The following PLXNA4 variants were observed in gnomAD, a reference collection of about 807,000 sequenced individuals.
PLXNA4 encodes the protein plexin-A4.
A neutral mutation model predicts 191.8 loss-of-function variants in PLXNA4; 44 were observed. The observed-to-expected ratio is 0.23, with a 90% confidence interval of 0.18 to 0.29. PLXNA4 has a LOEUF of 0.29. PLXNA4 is among the 10% of genes least tolerant of loss of function. The pLI is 1.00. For missense variants in PLXNA4, 1,800 were observed against 2,488.8 expected, an observed-to-expected ratio of 0.72 and a Z score of 5.89; for synonymous variants, 1,082 against 1,009.5, an observed-to-expected ratio of 1.07 and a Z score of -1.36.
At chr7:132,148,047 T>A in intron 26 of PLXNA4, 48 bp from the exon 27 acceptor site, 1 of 1,613,488 alleles carries the variant, frequency 6.2e-7, no homozygotes, top group Non-Finnish European at 8.5e-7. Flanking sequence ...GCTCTGCCAC[T>A]CCAGGAAATA....
intron 12 of PLXNA4, among the ~76,000 whole-genome samples, chr7:132,200,096 T>C (rs1362707393): frequency 6.6e-6 from 1 of 152,172 alleles, no homozygotes; most frequent in Non-Finnish European, 1.5e-5. Flanking sequence ...TGGCTTGTCA[T>C]ACTGAAAAAG....
chr7:132,205,238 G>C (rs761551226), intron 10 of PLXNA4, among the ~76,000 whole-genome samples: 2 of 152,162 alleles, frequency 1.3e-5, no homozygotes, highest in Non-Finnish European at 2.9e-5. Flanking sequence ...ACTTTAGACT[G>C]GTGGCTCTTA....
Position 132,473,894 on chromosome 7 carries a change from G to T in PLXNA4, c.1371+15398C>A, listed in dbSNP as rs144087537. On this transcript the variant is annotated intron_variant, in intron 3 of 31. Coordinates refer to ENST00000321063, the MANE Select transcript of PLXNA4 (RefSeq NM_020911.2). The stretch of plus-strand genomic sequence containing the variant: ...AATTAAAATGTACTGAGAATTTGGG[G>T]TGGCCACCAAAATAAAACCTCTCCC... Among the ~76,000 whole-genome samples, 938 of 152,022 alleles carry T rather than the reference G, an allele frequency of 6.2e-3. 6 individuals are homozygous for T. The highest frequency in any genetic ancestry group is 0.014 in the Middle Eastern group (4 of 292).
At chr7:132,562,927 TCTCCCTCCTCC>T (rs1563175011) in intron 1 of PLXNA4, among the ~76,000 whole-genome samples, 2 of 58,900 alleles carry the variant, frequency 3.4e-5, no homozygotes, top group African/African-American at 7.6e-5. Flanking sequence ...CTCCTCCTCC[TCTCCCTCCTCC>T]TCTCCCTCCT....
At chr7:132,368,950 T>C (rs1017152557) in intron 3 of PLXNA4, among the ~76,000 whole-genome samples, 1 of 152,244 alleles carries the variant, frequency 6.6e-6, no homozygotes, top group African/African-American at 2.4e-5. Context: ...CAGCACCACC[T>C]GAAGGGGCTT....
At chr7:132,164,044 G>A in intron 24 of PLXNA4, 98 bp downstream of exon 24, 1 of 1,538,712 alleles carries the variant, frequency 6.5e-7, no homozygotes, top group Non-Finnish European at 8.8e-7. Flanking sequence ...TGGAGAGGCA[G>A]CTGTTCAGCC....
intron 2 of PLXNA4, among the ~76,000 whole-genome samples, chr7:132,494,539 A>C (rs1797929403): frequency 6.6e-6 from 1 of 152,130 alleles, no homozygotes; most frequent in African/African-American, 2.4e-5. Flanking sequence ...CTGGACCTGG[A>C]TGCAGAGAGC....
Position 132,237,512 on chromosome 7 carries a change from C to T in PLXNA4, c.1604+3554G>A, listed in dbSNP as rs1798742097. On this transcript the variant is annotated intron_variant, in intron 5 of 31. Transcript: ENST00000321063. ...GGAGGGAGGATGGATTTACTGAGTG[C>T]CTCAGCGGGCAGGCAGCCTTGGCCT... Among the ~76,000 whole-genome samples, 2 of 152,164 alleles carry T rather than the reference C, an allele frequency of 1.3e-5. 1 individual carries two copies. Among genetic ancestry groups the T allele is most frequent in the South Asian group, 4.1e-4 (2 of 4,828 alleles).
chr7:132,174,967 G>C lies in PLXNA4; in HGVS notation c.3875-47C>G, dbSNP rs1260046848. On this transcript the variant is annotated intron_variant, in intron 20 of 31. Transcript: ENST00000321063. ...GAGATGGCTGGATGGGGAGGCTCCAGGAGTCACCTCCATCTCAGAATGCTC... is the reference window on the plus strand; with the variant it reads ...GAGATGGCTGGATGGGGAGGCTCCACGAGTCACCTCCATCTCAGAATGCTC... 2.5e-6 allele frequency: 4 copies of C among 1,607,482 alleles called. No individual in the cohort carries two copies. The South Asian group carries it at 3.3e-5, about 13-fold the overall frequency.
intron 2 of PLXNA4, among the ~76,000 whole-genome samples, chr7:132,594,949 AGATAG>A (rs1454724025): frequency 6.8e-5 from 9 of 131,590 alleles, no homozygotes; most frequent in African/African-American, 1.9e-4. Context: ...ATAGATAGAT[AGATAG>A]ATAGATAGAT....
intron 3 of PLXNA4, among the ~76,000 whole-genome samples, chr7:132,371,129 GGGGAGACGGGTTGGGGTGGAGA>G (rs1429172167): frequency 2.0e-5 from 3 of 152,170 alleles, no homozygotes; most frequent in Non-Finnish European, 2.9e-5. Flanking sequence ...TGGTTGGGCT[GGGGAGACGGGTTGGGGTGGAGA>G]GGGAAATGGG....
intron 2 of PLXNA4, among the ~76,000 whole-genome samples, chr7:132,614,394 C>G (rs1803110636): frequency 6.6e-6 from 1 of 152,212 alleles, no homozygotes; most frequent in South Asian, 2.1e-4. Context: ...GGTCTAGTGC[C>G]ATAGCGGGAG....
rs1427275328 is a variant in PLXNA4, at chr7:132,178,853, C to T, written c.3874+834G>A. Among the ~76,000 whole-genome samples, 7 of 114,512 alleles carry T rather than the reference C, an allele frequency of 6.1e-5. No individual in the cohort carries two copies. The South Asian group carries it at 1.1e-3, about 18-fold the overall frequency. 75.1% of individuals were successfully genotyped at this position (114,512 alleles called of 152,430 possible). On this transcript the variant is annotated intron_variant, in intron 20 of 31. Coordinates refer to ENST00000321063, the MANE Select transcript of PLXNA4 (RefSeq NM_020911.2). ...ATACACATACACATATATACACACA[C>T]ACACACACACACACACACACAGCCT... is the stretch of plus-strand genomic sequence containing the variant.
chr7:132,385,344 T>C, intron 3 of PLXNA4: 2 of 1,559,418 alleles, frequency 1.3e-6, no homozygotes, highest in Non-Finnish European at 1.7e-6. Flanking sequence ...GCACAAGATA[T>C]GCCCATAAGC....
At chr7:132,594,910 G>C (rs1802669065) in intron 2 of PLXNA4, among the ~76,000 whole-genome samples, 1 of 118,154 alleles carries the variant, frequency 8.5e-6, no homozygotes, top group African/African-American at 3.4e-5. Flanking sequence ...TAGATAGATA[G>C]GTAGATAGAT....
At chr7:132,633,325 C>T in intron 2 of PLXNA4, among the ~76,000 whole-genome samples, 1 of 149,746 alleles carries the variant, frequency 6.7e-6, no homozygotes, top group East Asian at 2.0e-4. Context: ...ACTCTATCAC[C>T]AGACTGGAGT....
At chr7:132,164,102 G>A (rs775765125) in intron 24 of PLXNA4, 40 bp downstream of exon 24, 88 of 1,611,098 alleles carry the variant, frequency 5.5e-5, no homozygotes, top group Admixed American at 1.3e-4. Context: ...ATGGAAGCCC[G>A]CCTGTCAAAG....
rs1307730924 is a variant in PLXNA4 at position 132,563,891 on chromosome 7, GCTCCTCCTCCTCCTTCTC to G, written c.-87+12513_-87+12530del. Among the ~76,000 whole-genome samples, 11 of 48,608 alleles carry G rather than the reference GCTCCTCCTCCTCCTTCTC, an allele frequency of 2.3e-4. No individual in the cohort carries two copies. In the East Asian group the frequency reaches 7.6e-3, roughly 34 times the overall value. The allele number at this position is 48,608 out of a possible 152,430, so 31.9% of individuals were successfully genotyped here. On this transcript the variant is annotated intron_variant, in intron 1 of 31. Transcript: ENST00000321063. ...TCCTCTTCCTCCTCCTCCTTCTGCT[GCTCCTCCTCCTCCTTCTC>G]CTCCTCCTTCTCCTCCTTTTCCTCG...
At chr7:132,604,521 A>G (rs1225945158) in intron 2 of PLXNA4, among the ~76,000 whole-genome samples, 2 of 152,190 alleles carry the variant, frequency 1.3e-5, no homozygotes, top group Non-Finnish European at 2.9e-5. Context: ...CATGAAATAG[A>G]AAAGAGTCTT....
Sources: allele counts gnomAD v4.1 joint callset (sites outside exome capture counted in the v4.1 genomes callset), GRCh38; gene constraint gnomAD v4.1.1; transcripts MANE v1.5; gene names NCBI Gene and HGNC (gene_info 2026-07-23, HGNC 2026-07-21).